The following FAM149A variants were observed in gnomAD, a reference collection of about 807,000 sequenced individuals.
The protein encoded by FAM149A is protein FAM149A.
In FAM149A, 71 loss-of-function variants were observed where a neutral mutation model predicts 78.2. The ratio of observed to expected loss-of-function variants is 0.91; its 90% CI spans 0.75 to 1.11. The LOEUF is 1.11. FAM149A is among the 50% of genes least tolerant of loss of function. The pLI, the probability that FAM149A is intolerant of heterozygous loss-of-function variation, is 0.00. For synonymous variants in FAM149A, 446 were observed against 410.5 expected (o/e 1.09, Z -1.04); for missense variants, 1,036 against 971.0 (o/e 1.07, Z -0.89).
rs77997359 is a variant in FAM149A, at chr4:186,136,368, G to A, written c.567-12805G>A. On this transcript the variant is annotated intron_variant, in intron 1 of 13. Transcript: ENST00000389354. Reference sequence around the variant, plus strand: ...AATTGGATATTAAAGAATGTCATTGGACCCATTTGTTCAATATATTAGGTT... The same window carrying A: ...AATTGGATATTAAAGAATGTCATTGAACCCATTTGTTCAATATATTAGGTT... Among the ~76,000 whole-genome samples, 425 of 152,152 alleles carry A rather than the reference G, an allele frequency of 2.8e-3. 2 individuals carry two copies. Among genetic ancestry groups the A allele is most frequent in the African/African-American group, 9.9e-3 (410 of 41,508 alleles).
At chr4:186,130,291 C>CTATATA (rs1362112901) in intron 1 of FAM149A, 1,374 of 39,140 alleles carry the variant, frequency 0.035, 11 homozygotes, top group East Asian at 0.068. Context: ...CTCTCTCTCT[C>CTATATA]TCTATATATA....
intron 1 of FAM149A, among the ~76,000 whole-genome samples, chr4:186,120,942 C>T (rs1052882669): frequency 6.8e-5 from 10 of 147,662 alleles, no homozygotes; most frequent in Non-Finnish European, 1.5e-4. Flanking sequence ...CAAGCTCCGC[C>T]TCCCGGATTC....
chr4:186,132,049 A>AC (rs2099320966), intron 1 of FAM149A: 6 of 985,354 alleles, frequency 6.1e-6, no homozygotes, highest in Non-Finnish European at 7.2e-6. Context: ...AACACAAAAC[A>AC]CAAAATAGCT....
At chr4:186,151,002 G>A (rs1733534288) in intron 3 of FAM149A, 1 of 985,082 alleles carries the variant, frequency 1.0e-6, no homozygotes, top group South Asian at 4.7e-5. Flanking sequence ...ACTGCGCCCA[G>A]CCTCTTTGCT....
Position 186,144,960 on chromosome 4 carries a change from CGGGT to C in FAM149A, c.567-4209_567-4206del. 1.0e-6 allele frequency: 1 copy of C among 964,630 alleles called. No homozygotes were observed. Among genetic ancestry groups the C allele is most frequent in the Non-Finnish European group, 1.2e-6 (1 of 823,106 alleles). The allele number at this position is 964,630 out of a possible 1,614,324, so 59.8% of individuals were successfully genotyped here. A position where few individuals can be genotyped will look rare whatever the true frequency, so the allele number is the denominator to read the frequency against. ...GCGCGGGCGCGGGCGCGGGCGCGGG[CGGGT>C]GGGGAGCCCCAGCCCCGGGGCCGCG... On this transcript the variant is annotated intron_variant, in intron 1 of 13. Transcript: ENST00000389354. This position sits in a 1 kb window ranked among gnomAD's most constrained non-coding sequence, Gnocchi z 4.2.
At chr4:186,171,028 A>G (rs1735479910) in intron 13 of FAM149A, 1 of 152,426 alleles carries the variant, frequency 6.6e-6, no homozygotes, top group South Asian at 2.1e-4. Context: ...TAAGAACCAC[A>G]TCTTTCTGCG....
chr4:186,140,438 T>C (rs1174521353), intron 1 of FAM149A, among the ~76,000 whole-genome samples: 1 of 132,446 alleles, frequency 7.6e-6, no homozygotes. Flanking sequence ...TGAACACACC[T>C]AGCTTTTTTT....
At position 186,166,778 on chromosome 4, in the gene FAM149A, G is replaced by A. The variant is rs914521239; in HGVS notation, c.2011-190G>A. Among the ~76,000 whole-genome samples the A allele has an allele frequency of 2.6e-5, 4 of 151,526 alleles. No homozygotes were observed. In the South Asian group the frequency reaches 8.3e-4, roughly 32 times the overall value. On this transcript the variant is annotated intron_variant, in intron 11 of 13. Coordinates refer to ENST00000389354, the MANE Select transcript of FAM149A (RefSeq NM_001367768.3). Reference sequence around the variant, plus strand: ...CTATTATGACACTATAATTTTATCAGGCTTAATAGTGCAGTTACATAATCA... The same window carrying A: ...CTATTATGACACTATAATTTTATCAAGCTTAATAGTGCAGTTACATAATCA...
At chr4:186,161,101 T>C (rs550010020) in intron 8 of FAM149A, among the ~76,000 whole-genome samples, 3 of 152,230 alleles carry the variant, frequency 2.0e-5, no homozygotes, top group South Asian at 2.1e-4. Flanking sequence ...TTTTGTGTAA[T>C]TTTTTAATTA....
Position 186,153,719 on chromosome 4 carries a change from C to T in FAM149A, c.1007C>T (p.Ala336Val). The change falls in exon 5 of 14, where the codon GCA becomes GTA. Residue 336 changes from alanine to valine, a missense_variant. Physicochemically the swap from Ala to Val is moderately conservative, Grantham distance 64. Coordinates refer to ENST00000389354, the MANE Select transcript of FAM149A (RefSeq NM_001367768.3). Reference sequence around the variant, plus strand: ...TTCCAGGGCAGCACTCCTGCCTCCGCAGTCCACAGACCCCCGCTCAGTGCC... The same window carrying T: ...TTCCAGGGCAGCACTCCTGCCTCCGTAGTCCACAGACCCCCGCTCAGTGCC... 6.2e-7 allele frequency: 1 copy of T among 1,614,074 alleles called. No individual in the cohort carries two copies. The highest frequency in any genetic ancestry group is 8.5e-7 in the Non-Finnish European group (1 of 1,179,950).
intron 5 of FAM149A, 146 bp downstream of exon 5, chr4:186,153,916 A>T: frequency 1.3e-6 from 1 of 770,154 alleles, no homozygotes; most frequent in South Asian, 1.9e-5. Flanking sequence ...AACAATTTTT[A>T]TAAGAAGCTT....
intron 1 of FAM149A, among the ~76,000 whole-genome samples, chr4:186,128,403 A>G (rs932147732): frequency 3.9e-5 from 6 of 152,022 alleles, no homozygotes; most frequent in Non-Finnish European, 7.4e-5. Flanking sequence ...ACAAGAGTGA[A>G]GGGAAATTGT....
chr4:186,106,875 G>C (rs184106700), intron 1 of FAM149A, among the ~76,000 whole-genome samples: 237 of 152,214 alleles, frequency 1.6e-3, no homozygotes, highest in Non-Finnish European at 2.7e-3. Flanking sequence ...GCGTGAACCC[G>C]GGAGGCGGAG....
At chr4:186,110,344 C>G (rs1327687794) in intron 1 of FAM149A, 22 of 983,476 alleles carry the variant, frequency 2.2e-5, no homozygotes, top group Non-Finnish European at 2.7e-5. Flanking sequence ...AGCATTTCCT[C>G]AGGGATGAAC....
Position 186,169,109 on chromosome 4 carries a change from G to T in FAM149A, c.2218+1847G>T, listed in dbSNP as rs572950530. The T allele has an allele frequency of 1.6e-5, 12 of 750,056 alleles. No individual in the cohort carries two copies. In the East Asian group the frequency reaches 3.9e-4, roughly 24 times the overall value. The allele number at this position is 750,056 out of a possible 1,614,324, so 46.5% of individuals were successfully genotyped here. A position where few individuals can be genotyped will look rare whatever the true frequency, so the allele number is the denominator to read the frequency against. On this transcript the variant is annotated intron_variant, in intron 13 of 13. Transcript: ENST00000389354. Reference sequence around the variant, plus strand: ...GTAGTTGGAGCACACGTAAGTAGAGGTTTGGAGTGGGAATTGGGTTCTGAA... The same window carrying T: ...GTAGTTGGAGCACACGTAAGTAGAGTTTTGGAGTGGGAATTGGGTTCTGAA...
chr4:186,169,620 T>C (rs900137926), intron 13 of FAM149A: 3 of 985,274 alleles, frequency 3.0e-6, no homozygotes, highest in Middle Eastern at 1.0e-3. Context: ...TAATAGGACA[T>C]TCAGGAATGA....
chr4:186,162,819 T>TTC (rs1340234713), intron 8 of FAM149A, 26 bp from the exon 9 acceptor site: 1 of 896,534 alleles, frequency 1.1e-6, no homozygotes, highest in East Asian at 2.7e-5. Flanking sequence ...TCTTTTTTTT[T>TTC]TTTTTTTTTT....
chr4:186,144,334 T>C lies in FAM149A; in HGVS notation c.567-4839T>C, dbSNP rs1049995206. ...AGATGCACCGGCTTGTGTGAGCCGG[T>C]AGGGCAGGACGGGCGTGGAAGGGTC... On this transcript the variant is annotated intron_variant, in intron 1 of 13. Coordinates refer to ENST00000389354, the MANE Select transcript of FAM149A (RefSeq NM_001367768.3). This position sits in a 1 kb window ranked among gnomAD's most constrained non-coding sequence, Gnocchi z 4.2. 5 of 152,150 alleles carry C rather than the reference T, an allele frequency of 3.3e-5. No individual in the cohort carries two copies. The highest frequency in any genetic ancestry group is 9.7e-5 in the African/African-American group (4 of 41,392). 9.4% of individuals were successfully genotyped at this position (152,150 alleles called of 1,614,324 possible). A position where few individuals can be genotyped will look rare whatever the true frequency, so the allele number is the denominator to read the frequency against.
At chr4:186,158,592 C>T (rs897070081) in intron 8 of FAM149A, 7 of 221,136 alleles carry the variant, frequency 3.2e-5, no homozygotes, top group Non-Finnish European at 4.6e-5. Context: ...GCCTGCTGAG[C>T]ATTGCCGCCC....
Sources: allele counts gnomAD v4.1 joint callset (sites outside exome capture counted in the v4.1 genomes callset), GRCh38; gene constraint gnomAD v4.1.1; non-coding constraint Gnocchi (gnomAD v3.1); transcripts MANE v1.5; gene names NCBI Gene and HGNC (gene_info 2026-07-23, HGNC 2026-07-21).